The following GUCY1A2 variants were observed in gnomAD, a reference collection of about 807,000 sequenced individuals.
The protein encoded by GUCY1A2 is guanylate cyclase 1 soluble subunit alpha 2.
In GUCY1A2, 27 loss-of-function variants were observed where a neutral mutation model predicts 63.5. That is an observed-to-expected ratio of 0.43 (90% CI 0.31 to 0.59). The LOEUF (loss-of-function observed/expected upper bound fraction) is 0.59, where lower values mean the gene tolerates loss of function less well. Among genes scored for constraint, GUCY1A2 ranks in the 20% least tolerant of loss-of-function variants. The probability of loss-of-function intolerance (pLI) is 0.11; values close to 1 mark genes in which losing one functional copy is unlikely to be tolerated. For missense variants in GUCY1A2, 768 were observed against 913.3 expected (o/e 0.84, Z 2.05); for synonymous variants, 364 against 343.5 (o/e 1.06, Z -0.66).
chr11:106,897,529 C>G (rs978279014), intron 4 of GUCY1A2, among the ~76,000 whole-genome samples: 4 of 151,054 alleles, frequency 2.6e-5, no homozygotes, highest in African/African-American at 7.3e-5. Flanking sequence ...AATAAAGACC[C>G]CAGAAATAGA....
At chr11:106,803,798 C>T (rs1858643217) in intron 5 of GUCY1A2, among the ~76,000 whole-genome samples, 1 of 152,178 alleles carries the variant, frequency 6.6e-6, no homozygotes, top group Non-Finnish European at 1.5e-5. Context: ...CTCAAGATAG[C>T]ACTGGGATTC....
intron 4 of GUCY1A2, among the ~76,000 whole-genome samples, chr11:106,930,940 G>A: frequency 6.6e-6 from 1 of 152,180 alleles, no homozygotes; most frequent in Non-Finnish European, 1.5e-5. Flanking sequence ...GATATCAATA[G>A]AAAGGATAAA....
chr11:106,704,662 T>C (rs1862876090), intron 7 of GUCY1A2, among the ~76,000 whole-genome samples: 1 of 152,184 alleles, frequency 6.6e-6, no homozygotes, highest in Non-Finnish European at 1.5e-5. Flanking sequence ...AAAAATTTCA[T>C]ACCAAAGTAA....
At chr11:106,813,631 C>T (rs1455777755) in intron 4 of GUCY1A2, among the ~76,000 whole-genome samples, 1 of 151,996 alleles carries the variant, frequency 6.6e-6, no homozygotes, top group Non-Finnish European at 1.5e-5. Flanking sequence ...TGCAGTGTTA[C>T]ATAATAGTTT....
At chr11:106,701,687 A>C (rs1218944555) in intron 7 of GUCY1A2, among the ~76,000 whole-genome samples, 1 of 152,172 alleles carries the variant, frequency 6.6e-6, no homozygotes, top group Non-Finnish European at 1.5e-5. Context: ...GCTAGATAGG[A>C]GGAATAAATT....
chr11:106,844,307 C>T (rs555350800), intron 4 of GUCY1A2, among the ~76,000 whole-genome samples: 1 of 151,854 alleles, frequency 6.6e-6, no homozygotes, highest in African/African-American at 2.4e-5. Flanking sequence ...TACAGGAAAA[C>T]ATTTCTGAAG....
chr11:106,711,551 T>A (rs1270633592), intron 6 of GUCY1A2, among the ~76,000 whole-genome samples: 4 of 152,160 alleles, frequency 2.6e-5, no homozygotes, highest in Non-Finnish European at 5.9e-5. Flanking sequence ...TCATTGGTCC[T>A]TCTTCATGTC....
At chr11:106,718,718 A>G (rs1286912674) in intron 6 of GUCY1A2, among the ~76,000 whole-genome samples, 1 of 152,136 alleles carries the variant, frequency 6.6e-6, no homozygotes, top group Non-Finnish European at 1.5e-5. Flanking sequence ...AATAACCAGC[A>G]TATAACTTAG....
chr11:106,850,680 G>A (rs560247213), intron 4 of GUCY1A2, among the ~76,000 whole-genome samples: 9 of 151,744 alleles, frequency 5.9e-5, no homozygotes, highest in African/African-American at 1.7e-4. Flanking sequence ...CAAATGACAC[G>A]GATGCATTCT....
At chr11:106,816,589 G>A (rs1212556071) in intron 4 of GUCY1A2, among the ~76,000 whole-genome samples, 2 of 150,576 alleles carry the variant, frequency 1.3e-5, no homozygotes, top group Non-Finnish European at 3.0e-5. Flanking sequence ...GCAGAAGGGA[G>A]GAAACAAAAA....
chr11:106,699,812 C>T (rs1024630287), intron 7 of GUCY1A2, among the ~76,000 whole-genome samples: 2 of 151,132 alleles, frequency 1.3e-5, no homozygotes, highest in Non-Finnish European at 2.9e-5. Flanking sequence ...GGCGGAGTCT[C>T]GGTCTGTCGC....
rs1444131971 is a variant in GUCY1A2 at position 106,776,547 on chromosome 11, T to C, written c.1728A>G (p.Ala576=). The part of the protein sequence containing the change: ...ETIGDAYCVA[A]GLHRKSLCHA... ...GGCAGAGGCTTTTTCTGTGGAGCCCTGCTGCAACACAGTAGGCATCACCTA... is the reference window on the plus strand; with the variant it reads ...GGCAGAGGCTTTTTCTGTGGAGCCCCGCTGCAACACAGTAGGCATCACCTA... The change falls in exon 6 of 8, where the codon GCA becomes GCG. Residue 576 remains alanine, a synonymous_variant. Transcript: ENST00000526355. 1 of 1,613,496 alleles carries C rather than the reference T, an allele frequency of 6.2e-7. No individual in the cohort carries two copies.
intron 1 of GUCY1A2, among the ~76,000 whole-genome samples, chr11:106,997,021 C>A (rs555244403): frequency 1.3e-5 from 2 of 152,198 alleles, no homozygotes; most frequent in African/African-American, 4.8e-5. Context: ...AAAATTCATG[C>A]AGGCAGAAGA....
At chr11:106,776,193 T>C (rs1864354278) in intron 6 of GUCY1A2, among the ~76,000 whole-genome samples, 1 of 152,136 alleles carries the variant, frequency 6.6e-6, no homozygotes, top group Admixed American at 6.5e-5. Flanking sequence ...TTCCCTTGGG[T>C]CTAATCTTTT....
intron 4 of GUCY1A2, among the ~76,000 whole-genome samples, chr11:106,847,047 T>A (rs757182130): frequency 6.6e-6 from 1 of 151,220 alleles, no homozygotes; most frequent in East Asian, 1.9e-4. Context: ...GTTTATTTTG[T>A]ACAGAATAAT....
chr11:106,931,158 AATTT>A (rs1469117563), intron 4 of GUCY1A2, among the ~76,000 whole-genome samples: 2 of 152,226 alleles, frequency 1.3e-5, no homozygotes, highest in Non-Finnish European at 2.9e-5. Flanking sequence ...TTTTTAATAC[AATTT>A]ATTAATAGGA....
intron 4 of GUCY1A2, among the ~76,000 whole-genome samples, chr11:106,836,376 A>G (rs1397210744): frequency 6.6e-6 from 1 of 152,040 alleles, no homozygotes; most frequent in Non-Finnish European, 1.5e-5. Context: ...GAGAAAATAC[A>G]TATACAGTAC....
intron 6 of GUCY1A2, among the ~76,000 whole-genome samples, chr11:106,715,893 A>G (rs1863204929): frequency 6.6e-6 from 1 of 152,226 alleles, no homozygotes; most frequent in African/African-American, 2.4e-5. Context: ...TGAAATTATG[A>G]TCATTGCTAC....
intron 6 of GUCY1A2, among the ~76,000 whole-genome samples, chr11:106,767,584 TTACAGATAAAAGCTAAAA>T (rs1864185438): frequency 1.3e-5 from 2 of 152,118 alleles, no homozygotes; most frequent in African/African-American, 4.8e-5. Context: ...TCTTTCATGA[TTACAGATAAAAGCTAAAA>T]TAAACTAGCA....
Sources: gnomAD v4.1 joint callset for allele counts (sites outside exome capture counted in the v4.1 genomes callset) on GRCh38, gnomAD v4.1.1 for gene constraint, MANE v1.5 for transcripts, NCBI Gene and HGNC (gene_info 2026-07-23, HGNC 2026-07-21) for gene names.